SPIRE1: variants seen among roughly 807,000 people sequenced by gnomAD.
SPIRE1 encodes the protein spire type actin nucleation factor 1.
Under a neutral mutation model 94.1 loss-of-function variants are expected in SPIRE1, and 40 were observed. The observed-to-expected ratio is 0.43, with a 90% CI of 0.33 to 0.55. The LOEUF (loss-of-function observed/expected upper bound fraction) is 0.55. SPIRE1 is among the 20% of genes least tolerant of loss of function. The pLI is 0.06. For synonymous variants in SPIRE1, 376 were observed against 371.7 expected (o/e 1.01, Z -0.13); for missense variants, 838 against 975.2 (o/e 0.86, Z 1.87).
Position 12,464,908 on chromosome 18 carries a change from G to GA in SPIRE1, c.1454dup (p.Glu487Ter), listed in dbSNP as rs1310701311. The GA allele has an allele frequency of 6.2e-7, 1 of 1,614,084 alleles. No homozygotes were observed. Among genetic ancestry groups the GA allele is most frequent in the South Asian group, 1.1e-5 (1 of 91,066 alleles). ...CGGCCTCCAGGACTGGCTCTTCAGG[G>GA]AAAGAGGGAGACACGCTGCTGCTGC... On this transcript the variant is annotated frameshift_variant, in exon 11 of 17. Transcript: ENST00000409402. LOFTEE classifies it high-confidence loss of function.
At chr18:12,501,188 T>A (rs141058443) in intron 6 of SPIRE1, among the ~76,000 whole-genome samples, 6 of 149,602 alleles carry the variant, frequency 4.0e-5, no homozygotes, top group Non-Finnish European at 8.9e-5. Context: ...ACACCAAAGG[T>A]CATATATGAT....
chr18:12,607,638 CA>C (rs2037021408), intron 2 of SPIRE1, among the ~76,000 whole-genome samples: 1 of 141,998 alleles, frequency 7.0e-6, no homozygotes, highest in Non-Finnish European at 1.5e-5. Flanking sequence ...CACACACACA[CA>C]CAGTCTCTTG....
intron 10 of SPIRE1, among the ~76,000 whole-genome samples, chr18:12,474,259 A>G (rs2032470781): frequency 1.3e-5 from 2 of 152,210 alleles, no homozygotes; most frequent in South Asian, 2.1e-4. Flanking sequence ...CAGAGAGTGG[A>G]CAAAGAGGCT....
At chr18:12,613,827 G>A (rs375904819) in intron 2 of SPIRE1, among the ~76,000 whole-genome samples, 3 of 152,150 alleles carry the variant, frequency 2.0e-5, no homozygotes, top group Non-Finnish European at 2.9e-5. Context: ...GGAGGCGGAG[G>A]TTACAGTGAG....
At chr18:12,450,587 A>G in intron 16 of SPIRE1, 1 of 549,092 alleles carries the variant, frequency 1.8e-6, no homozygotes, top group Non-Finnish European at 3.3e-6. Flanking sequence ...GTGCTCTGAG[A>G]GGTGGAAGAC....
chr18:12,492,697 G>T (rs921668174), intron 8 of SPIRE1, among the ~76,000 whole-genome samples: 1 of 152,058 alleles, frequency 6.6e-6, no homozygotes, highest in African/African-American at 2.4e-5. Context: ...AACTCATAAT[G>T]TAGGTTAAGA....
chr18:12,549,444 T>G (rs1240155463), intron 2 of SPIRE1, among the ~76,000 whole-genome samples: 35 of 87,766 alleles, frequency 4.0e-4, no homozygotes, highest in African/African-American at 1.2e-3. Flanking sequence ...TTGTTGTTTT[T>G]TTTTTTTTTT....
At position 12,461,424 on chromosome 18, in the gene SPIRE1, GTGTGTA is replaced by G. The variant is rs558590394; in HGVS notation, c.1638+1921_1638+1926del. Among the ~76,000 whole-genome samples, 13 of 144,844 alleles carry G rather than the reference GTGTGTA, an allele frequency of 9.0e-5. No homozygotes were observed. In the East Asian group the frequency reaches 1.4e-3, roughly 15 times the overall value. ...TACCTATACACATGTATGTGTGTGT[GTGTGTA>G]TGTATGTATATACATACATGTGTGT... On this transcript the variant is annotated intron_variant, in intron 12 of 16. Coordinates refer to ENST00000409402, the MANE Select transcript of SPIRE1 (RefSeq NM_001128626.2).
intron 1 of SPIRE1, among the ~76,000 whole-genome samples, chr18:12,642,023 G>A (rs1280220006): frequency 6.6e-6 from 1 of 151,700 alleles, no homozygotes; most frequent in Non-Finnish European, 1.5e-5. Flanking sequence ...GTAGAAATGG[G>A]ATTTCACCAT....
intron 12 of SPIRE1, chr18:12,459,864 G>A (rs918100429): frequency 8.1e-6 from 8 of 985,932 alleles, no homozygotes; most frequent in Non-Finnish European, 9.6e-6. Flanking sequence ...CAGAGAAGCT[G>A]TTTGTATGGT....
At chr18:12,601,363 C>A (rs2036829794) in intron 2 of SPIRE1, among the ~76,000 whole-genome samples, 1 of 151,656 alleles carries the variant, frequency 6.6e-6, no homozygotes, top group African/African-American at 2.4e-5. Context: ...GTGGAGGTTG[C>A]AGTGAGCCGA....
intron 2 of SPIRE1, among the ~76,000 whole-genome samples, chr18:12,563,250 T>C (rs1324788648): frequency 6.6e-6 from 1 of 152,040 alleles, no homozygotes; most frequent in Non-Finnish European, 1.5e-5. Flanking sequence ...TGTTGATCTA[T>C]ACATTTATAT....
intron 2 of SPIRE1, among the ~76,000 whole-genome samples, chr18:12,615,345 A>AAAAAAAATAAAAAAAAATATATAT: frequency 1.2e-4 from 2 of 17,234 alleles, no homozygotes; most frequent in Non-Finnish European, 1.9e-4. Flanking sequence ...AAAAAAAAAA[A>AAAAAAAATAAAAAAAAATATATAT]ATATATATAT....
chr18:12,554,648 T>G (rs1482843163), intron 2 of SPIRE1, among the ~76,000 whole-genome samples: 1 of 152,086 alleles, frequency 6.6e-6, no homozygotes, highest in African/African-American at 2.4e-5. Flanking sequence ...CAAAGGTGAG[T>G]AATCCCCTGA....
chr18:12,548,124 G>A (rs184871122), intron 2 of SPIRE1, among the ~76,000 whole-genome samples: 29 of 152,278 alleles, frequency 1.9e-4, no homozygotes, highest in Middle Eastern at 3.4e-3. Context: ...ATGCATGGAA[G>A]TACCTGGTAC....
intron 9 of SPIRE1, among the ~76,000 whole-genome samples, chr18:12,480,437 A>G (rs1263557347): frequency 6.6e-6 from 1 of 152,208 alleles, no homozygotes; most frequent in African/African-American, 2.4e-5. Flanking sequence ...ACAATGAAGC[A>G]GTCTATAGTG....
chr18:12,536,783 A>C (rs376836854), intron 3 of SPIRE1, among the ~76,000 whole-genome samples: 4 of 152,356 alleles, frequency 2.6e-5, no homozygotes, highest in African/African-American at 9.6e-5. Context: ...AGTCCCATAC[A>C]CAGGAATAAT....
chr18:12,631,349 C>A (rs1006396558), intron 2 of SPIRE1, among the ~76,000 whole-genome samples: 1 of 151,142 alleles, frequency 6.6e-6, no homozygotes, highest in Non-Finnish European at 1.5e-5. Context: ...GAAAAAAAAA[C>A]TACATTAAAA....
At chr18:12,516,469 A>C (rs1024490731) in intron 4 of SPIRE1, among the ~76,000 whole-genome samples, 4 of 152,168 alleles carry the variant, frequency 2.6e-5, no homozygotes, top group African/African-American at 9.7e-5. Context: ...AAAGGGTTGG[A>C]GAGGAAAGGG....
Sources: allele counts gnomAD v4.1 joint callset (sites outside exome capture counted in the v4.1 genomes callset), GRCh38; gene constraint gnomAD v4.1.1; transcripts MANE v1.5; gene names NCBI Gene and HGNC (gene_info 2026-07-23, HGNC 2026-07-21).